Variants in DNAJC1 observed in about 807,000 individuals in gnomAD.
DNAJC1 encodes the protein dnaJ homolog subfamily C member 1.
In DNAJC1, 58 loss-of-function variants were observed where a neutral mutation model predicts 76.6. The ratio of observed to expected loss-of-function variants is 0.76; its 90% CI spans 0.61 to 0.94. The LOEUF is 0.94. DNAJC1 is among the 40% of genes least tolerant of loss of function. DNAJC1 has a pLI of 0.00. For synonymous variants in DNAJC1, 258 were observed against 267.9 expected (o/e 0.96, Z 0.36); for missense variants, 689 against 677.3 (o/e 1.02, Z -0.19).
At chr10:21,968,304 T>C (rs758202187) in intron 1 of DNAJC1, among the ~76,000 whole-genome samples, 45 of 152,168 alleles carry the variant, frequency 3.0e-4, no homozygotes, top group Non-Finnish European at 4.1e-4. Context: ...TTTACATATA[T>C]AATTTCATTG....
intron 1 of DNAJC1, among the ~76,000 whole-genome samples, chr10:21,992,166 C>A (rs978247519): frequency 2.6e-5 from 4 of 152,186 alleles, no homozygotes; most frequent in African/African-American, 9.7e-5. Context: ...CAAAAATTAG[C>A]TGGGTGTGGT....
At chr10:21,919,150 C>G (rs1836999829) in intron 5 of DNAJC1, among the ~76,000 whole-genome samples, 1 of 151,908 alleles carries the variant, frequency 6.6e-6, no homozygotes, top group Admixed American at 6.6e-5. Flanking sequence ...TAAACAAAAG[C>G]CTTCTTTCTA....
At chr10:21,821,330 T>C (rs192217125) in intron 8 of DNAJC1, among the ~76,000 whole-genome samples, 1 of 152,236 alleles carries the variant, frequency 6.6e-6, no homozygotes, top group Admixed American at 6.5e-5. Flanking sequence ...TAGAAAAAAA[T>C]GCAATATATA....
chr10:21,989,084 T>C (rs1251703881), intron 1 of DNAJC1, among the ~76,000 whole-genome samples: 1 of 152,196 alleles, frequency 6.6e-6, no homozygotes, highest in Non-Finnish European at 1.5e-5. Flanking sequence ...GAACAGTTGC[T>C]AGAAAGGAAC....
chr10:21,772,538 G>A (rs768020801), intron 9 of DNAJC1, among the ~76,000 whole-genome samples: 4 of 151,776 alleles, frequency 2.6e-5, no homozygotes, highest in Non-Finnish European at 4.4e-5. Flanking sequence ...ATTCACGATT[G>A]TATTCCTTTA....
intron 8 of DNAJC1, among the ~76,000 whole-genome samples, chr10:21,837,739 G>A (rs1176624329): frequency 6.7e-6 from 1 of 150,098 alleles, no homozygotes; most frequent in Non-Finnish European, 1.5e-5. Context: ...GGGAAGTGAG[G>A]AGCCCCTCTG....
chr10:21,805,884 C>A, intron 9 of DNAJC1, 96 bp downstream of exon 9: 1 of 1,517,640 alleles, frequency 6.6e-7, no homozygotes, highest in Non-Finnish European at 9.0e-7. Flanking sequence ...GTATCCCCTC[C>A]CCAAAGATAC....
chr10:21,873,846 CAAT>C (rs1836144051), intron 8 of DNAJC1, among the ~76,000 whole-genome samples: 1 of 152,116 alleles, frequency 6.6e-6, no homozygotes. Context: ...TAATCTGTGA[CAAT>C]AATAAATAAT....
Position 21,915,355 on chromosome 10 carries a change from A to T in DNAJC1, c.729+3424T>A, listed in dbSNP as rs1450876057. Among the ~76,000 whole-genome samples, 5 of 152,172 alleles carry T rather than the reference A, an allele frequency of 3.3e-5. No homozygotes were observed. The South Asian group carries it at 1.0e-3, about 32-fold the overall frequency. ...TGTGAAGCGTAGCAAAGGAATGGGT[A>T]TTTAGAGGATGAATGGGAAGGAAAG... On this transcript the variant is annotated intron_variant, in intron 6 of 11. Coordinates refer to ENST00000376980, the MANE Select transcript of DNAJC1 (RefSeq NM_022365.4).
intron 4 of DNAJC1, 146 bp from the exon 5 acceptor site, chr10:21,920,075 A>T (rs1320314291): frequency 1.6e-5 from 8 of 504,954 alleles, no homozygotes; most frequent in Admixed American, 3.7e-5. Context: ...TAAAATCATC[A>T]ATCTTTCACA....
Position 21,944,829 on chromosome 10 carries a change from G to T in DNAJC1, c.223-15688C>A, listed in dbSNP as rs533913498. On this transcript the variant is annotated intron_variant, in intron 1 of 11. Transcript: ENST00000376980. ...GAGAACTTTTGATGAATTAGATTGG[G>T]GGTAAGGTTGTAAATGACAGACAAC... 1.9e-4 allele frequency among the ~76,000 whole-genome samples: 29 copies of T among 152,290 alleles called. No individual in the cohort carries two copies. The South Asian group carries it at 5.8e-3, about 30-fold the overall frequency.
intron 8 of DNAJC1, among the ~76,000 whole-genome samples, chr10:21,853,343 G>A (rs1342454866): frequency 1.3e-5 from 2 of 152,052 alleles, no homozygotes; most frequent in Non-Finnish European, 2.9e-5. Flanking sequence ...ATGAGAAAGT[G>A]AGTCTTTCAT....
At chr10:21,846,879 CTTTT>C (rs777182871) in intron 8 of DNAJC1, among the ~76,000 whole-genome samples, 1 of 135,644 alleles carries the variant, frequency 7.4e-6, no homozygotes. Flanking sequence ...TGGATAATGA[CTTTT>C]TTTTTTTTTT....
chr10:21,816,355 T>C (rs375880290), intron 8 of DNAJC1, among the ~76,000 whole-genome samples: 17 of 151,916 alleles, frequency 1.1e-4, no homozygotes, highest in East Asian at 8.0e-4. Context: ...GCAAGACTTC[T>C]AGAAAGAAAG....
At chr10:21,862,417 CT>C (rs1835930127) in intron 8 of DNAJC1, among the ~76,000 whole-genome samples, 1 of 150,300 alleles carries the variant, frequency 6.7e-6, no homozygotes, top group African/African-American at 2.5e-5. Flanking sequence ...AAAATACCAT[CT>C]GTTACTACAT....
chr10:21,853,304 ACT>A (rs1835784120), intron 8 of DNAJC1, among the ~76,000 whole-genome samples: 1 of 151,778 alleles, frequency 6.6e-6, no homozygotes, highest in African/African-American at 2.4e-5. Context: ...CCAAGAATTC[ACT>A]CTCTGTACTT....
At chr10:21,768,151 T>A (rs936717571) in intron 9 of DNAJC1, among the ~76,000 whole-genome samples, 3 of 152,220 alleles carry the variant, frequency 2.0e-5, no homozygotes, top group Non-Finnish European at 4.4e-5. Context: ...TTCAAATGAA[T>A]AGTTAATTGC....
At chr10:21,770,823 A>G (rs1834366197) in intron 9 of DNAJC1, among the ~76,000 whole-genome samples, 3 of 152,144 alleles carry the variant, frequency 2.0e-5, no homozygotes, top group South Asian at 2.1e-4. Context: ...TTGACTCACA[A>G]AAGTTTTTAA....
chr10:21,766,226 TTTAGA>T, intron 10 of DNAJC1, 30 bp downstream of exon 10: 4 of 1,496,082 alleles, frequency 2.7e-6, no homozygotes, highest in Non-Finnish European at 3.7e-6. Context: ...AAGAAACCAC[TTTAGA>T]TTAATGAGAT....
Sources: gnomAD v4.1 joint callset for allele counts (sites outside exome capture counted in the v4.1 genomes callset) on GRCh38, gnomAD v4.1.1 for gene constraint, MANE v1.5 for transcripts, NCBI Gene and HGNC (gene_info 2026-07-23, HGNC 2026-07-21) for gene names.